Variants in ITGA9 observed in about 807,000 individuals in gnomAD.
ITGA9 encodes integrin alpha-9.
In ITGA9, 56 loss-of-function variants were observed where a neutral mutation model predicts 127.8. That is an observed-to-expected ratio of 0.44 (90% CI 0.35 to 0.55). The LOEUF is 0.55. Ranked by LOEUF, ITGA9 falls within the 20% of genes least tolerant of loss-of-function variation. The pLI, the probability that ITGA9 is intolerant of heterozygous loss-of-function variation, is 0.00. For missense variants in ITGA9, 1,196 were observed against 1,347.1 expected, an observed-to-expected ratio of 0.89 and a Z score of 1.76; for synonymous variants, 508 against 514.5, an observed-to-expected ratio of 0.99 and a Z score of 0.17.
chr3:37,613,209 C>T (rs1220543314), intron 15 of ITGA9, among the ~76,000 whole-genome samples: 2 of 150,114 alleles, frequency 1.3e-5, no homozygotes, highest in African/African-American at 2.5e-5. Flanking sequence ...TGAGAACATG[C>T]GGTGTTTGGT....
At position 37,814,677 on chromosome 3, in the gene ITGA9, TC is replaced by T. The variant is rs1470128977; in HGVS notation, c.3010-4212del. 6.6e-6 allele frequency among the ~76,000 whole-genome samples: 1 copy of T among 152,200 alleles called. No individual in the cohort carries two copies. The highest frequency in any genetic ancestry group is 1.5e-5 in the Non-Finnish European group (1 of 68,042). On this transcript the variant is annotated intron_variant, in intron 27 of 27. Coordinates refer to ENST00000264741, the MANE Select transcript of ITGA9 (RefSeq NM_002207.3). This position sits in a 1 kb window ranked among gnomAD's most constrained non-coding sequence, Gnocchi z 4.3. Reference sequence around the variant, plus strand: ...CACCGCTTCCTAAAGACTCTTTACTTCCATCTGTCAGAAAAAATTCAGAAAA... The same window carrying T: ...CACCGCTTCCTAAAGACTCTTTACTTCATCTGTCAGAAAAAATTCAGAAAA...
chr3:37,526,344 T>C (rs1699093089), intron 13 of ITGA9, among the ~76,000 whole-genome samples: 1 of 152,134 alleles, frequency 6.6e-6, no homozygotes, highest in South Asian at 2.1e-4. Context: ...AGGTAGGGGT[T>C]GGGGTAGCCT....
At position 37,517,607 on chromosome 3, in the gene ITGA9, C is replaced by A; in HGVS notation, c.1139C>A (p.Pro380Gln). Residue 380 changes from proline (P) to glutamine (Q), a missense_variant and splice_region_variant, in exon 10 of 28, where the codon CCA (proline) becomes CAA (glutamine). Pro to Gln is a moderately conservative substitution (Grantham distance 76, BLOSUM62 -1). Transcript: ENST00000264741. ...GACGATCTGGACAATGATGGGTTCC[C>A]AGGTGAGTGAGTGCTCCTGGTGCAC... is the stretch of plus-strand genomic sequence containing the variant. Reference protein sequence around the residue: ...SLDDLDNDGFPDVAIGAPKED... With the variant: ...SLDDLDNDGFQDVAIGAPKED... 6.4e-7 allele frequency: 1 copy of A among 1,573,954 alleles called. No individual in the cohort carries two copies. Among genetic ancestry groups the A allele is most frequent in the Middle Eastern group, 1.7e-4 (1 of 5,720 alleles).
chr3:37,700,521 G>T (rs1700935215), intron 18 of ITGA9, among the ~76,000 whole-genome samples: 1 of 151,660 alleles, frequency 6.6e-6, no homozygotes, highest in South Asian at 2.1e-4. Context: ...GGTAATTTTT[G>T]TATTTTCTGT....
chr3:37,488,427 A>G (rs1381304623), intron 4 of ITGA9, among the ~76,000 whole-genome samples: 1 of 151,978 alleles, frequency 6.6e-6, no homozygotes, highest in Admixed American at 6.6e-5. Context: ...TGAAGTAGGG[A>G]GTTGGCAAAA....
chr3:37,621,178 C>T (rs1332502266), intron 15 of ITGA9, among the ~76,000 whole-genome samples: 1 of 152,188 alleles, frequency 6.6e-6, no homozygotes, highest in African/African-American at 2.4e-5. Context: ...CTCTCATTCT[C>T]TCTTGTCTGC....
chr3:37,555,587 G>A (rs1339492527), intron 15 of ITGA9, among the ~76,000 whole-genome samples: 1 of 152,216 alleles, frequency 6.6e-6, no homozygotes, highest in Admixed American at 6.5e-5. Flanking sequence ...TCCTGCCACA[G>A]TACAGCATGG....
chr3:37,618,635 G>C (rs751434858), intron 15 of ITGA9, among the ~76,000 whole-genome samples: 1 of 152,206 alleles, frequency 6.6e-6, no homozygotes, highest in Non-Finnish European at 1.5e-5. Flanking sequence ...CAGCCACTTT[G>C]TTAACCTAGT....
chr3:37,471,138 G>A lies in ITGA9; in HGVS notation c.313+4G>A, dbSNP rs776305864. On this transcript the variant is annotated splice_donor_region_variant and intron_variant, in intron 2 of 27. Transcript: ENST00000264741. ...ACCGAACTGGACATGGCTCGAGGTG[G>A]GTGACCATTACTGCTGTGGTGGAAA... is the stretch of plus-strand genomic sequence containing the variant. 2.0e-5 allele frequency: 33 copies of A among 1,613,744 alleles called. No homozygotes were observed. The African/African-American group carries it at 2.5e-4, about 12-fold the overall frequency.
intron 13 of ITGA9, among the ~76,000 whole-genome samples, chr3:37,531,081 T>C (rs1699146995): frequency 6.6e-6 from 1 of 152,032 alleles, no homozygotes; most frequent in African/African-American, 2.4e-5. Flanking sequence ...AAAAAAGCAC[T>C]GAAAGCGCTT....
At chr3:37,742,353 A>G (rs1696447936) in intron 21 of ITGA9, among the ~76,000 whole-genome samples, 2 of 152,078 alleles carry the variant, frequency 1.3e-5, no homozygotes. Flanking sequence ...AATGGTCTGG[A>G]ATGGGCAGGG....
intron 15 of ITGA9, among the ~76,000 whole-genome samples, chr3:37,582,505 C>T (rs1699719036): frequency 6.6e-6 from 1 of 152,150 alleles, no homozygotes; most frequent in Non-Finnish European, 1.5e-5. Context: ...TCCAAATTTC[C>T]TCTTAAGAAA....
chr3:37,589,025 T>C (rs898735094), intron 15 of ITGA9, among the ~76,000 whole-genome samples: 1 of 152,236 alleles, frequency 6.6e-6, no homozygotes, highest in Admixed American at 6.5e-5. Context: ...AAACAGGCTG[T>C]GGTGCATATC....
chr3:37,493,422 G>A (rs1219622782), intron 4 of ITGA9, among the ~76,000 whole-genome samples: 1 of 152,216 alleles, frequency 6.6e-6, no homozygotes, highest in Non-Finnish European at 1.5e-5. Context: ...AGGGTGCCCA[G>A]GAGTGGTCTG....
chr3:37,645,258 C>T (rs1700366257), intron 16 of ITGA9, among the ~76,000 whole-genome samples: 1 of 152,142 alleles, frequency 6.6e-6, no homozygotes, highest in South Asian at 2.1e-4. Context: ...TCTGCTAAGT[C>T]ATACCGCATA....
At chr3:37,518,093 C>CGCGTGTGTGTGTGTGTGTGTGTGTGT (rs368577036) in intron 10 of ITGA9, among the ~76,000 whole-genome samples, 21 of 144,106 alleles carry the variant, frequency 1.5e-4, no homozygotes, top group African/African-American at 5.1e-4. Flanking sequence ...AGAGTGTACG[C>CGCGTGTGTGTGTGTGTGTGTGTGTGT]GTGTGTGTGT....
chr3:37,513,408 C>A (rs570375639), intron 8 of ITGA9, among the ~76,000 whole-genome samples: 29 of 152,228 alleles, frequency 1.9e-4, no homozygotes, highest in Non-Finnish European at 4.0e-4. Flanking sequence ...AGCCATCCAG[C>A]CTCTGAGGGA....
chr3:37,753,061 TC>T (rs1433702950), intron 23 of ITGA9, among the ~76,000 whole-genome samples: 2 of 152,066 alleles, frequency 1.3e-5, no homozygotes, highest in Non-Finnish European at 2.9e-5. Context: ...TACTCTGACT[TC>T]CCACAGCACA....
At chr3:37,634,322 A>C (rs951965930) in intron 16 of ITGA9, among the ~76,000 whole-genome samples, 11 of 151,980 alleles carry the variant, frequency 7.2e-5, no homozygotes, top group South Asian at 2.1e-4. Context: ...TTTAAAAAAA[A>C]AAAAACAAAA....
Sources: gnomAD v4.1 joint callset for allele counts (sites outside exome capture counted in the v4.1 genomes callset) on GRCh38, gnomAD v4.1.1 for gene constraint, Gnocchi (gnomAD v3.1) non-coding constraint, MANE v1.5 for transcripts, NCBI Gene and HGNC (gene_info 2026-07-23, HGNC 2026-07-21) for gene names.